CREB3L2: variants seen among roughly 807,000 people sequenced by gnomAD.
CREB3L2 encodes the protein cyclic AMP-responsive element-binding protein 3-like protein 2.
Under a neutral mutation model 57.2 loss-of-function variants are expected in CREB3L2, and 23 were observed. The ratio of observed to expected loss-of-function variants is 0.40; its 90% confidence interval spans 0.29 to 0.57. The LOEUF (loss-of-function observed/expected upper bound fraction) is 0.57. Ranked by LOEUF, CREB3L2 falls within the 20% of genes least tolerant of loss-of-function variation. The pLI, the probability that CREB3L2 is intolerant of heterozygous loss-of-function variation, is 0.42. For missense variants in CREB3L2, 628 were observed against 634.7 expected, an observed-to-expected ratio of 0.99 and a Z score of 0.11; for synonymous variants, 268 against 265.1, an observed-to-expected ratio of 1.01 and a Z score of -0.11.
At position 137,876,520 on chromosome 7, in the gene CREB3L2, T is replaced by G. The variant is rs1465356322; in HGVS notation, c.*3956A>C. ...GAAACTGAAAAGTCTTAGGAGTAAC[T>G]GAATGAGTGAGTGAATGAACGAAAC... On this transcript the variant is annotated 3_prime_UTR_variant, in exon 12 of 12. Transcript: ENST00000330387. 2 of 232,998 alleles carry G rather than the reference T, an allele frequency of 8.6e-6. No homozygotes were observed. The highest frequency in any genetic ancestry group is 1.2e-4 in the East Asian group (2 of 16,578). 14.4% of individuals were successfully genotyped at this position (232,998 alleles called of 1,614,324 possible).
At chr7:137,939,176 T>C (rs1800841347) in intron 1 of CREB3L2, among the ~76,000 whole-genome samples, 1 of 152,136 alleles carries the variant, frequency 6.6e-6, no homozygotes, top group African/African-American at 2.4e-5. Context: ...AATTTAATAA[T>C]AATAGCACCT....
intron 1 of CREB3L2, among the ~76,000 whole-genome samples, chr7:137,979,323 T>A (rs553051382): frequency 1.3e-5 from 2 of 152,334 alleles, no homozygotes; most frequent in Non-Finnish European, 2.9e-5. Context: ...AGGGTCAGGA[T>A]GGCAGGCTCT....
In CREB3L2 at chr7:137,949,344, AG is replaced by A. The variant is rs576545435; in HGVS notation, c.103-20979del. Among the ~76,000 whole-genome samples, 635 of 152,344 alleles carry A rather than the reference AG, an allele frequency of 4.2e-3. 8 individuals are homozygous for A. The highest frequency in any genetic ancestry group is 7.7e-3 in the Non-Finnish European group (523 of 68,034). The stretch of plus-strand genomic sequence containing the variant: ...ACATGTCAGAAACTGTGTCGTTGTA[AG>A]GTGTAAGCCAGATCTCAAAACACAC... On this transcript the variant is annotated intron_variant, in intron 1 of 11. Coordinates refer to ENST00000330387, the MANE Select transcript of CREB3L2 (RefSeq NM_194071.4).
At chr7:137,938,555 A>G (rs1242066193) in intron 1 of CREB3L2, among the ~76,000 whole-genome samples, 1 of 152,088 alleles carries the variant, frequency 6.6e-6, no homozygotes, top group Non-Finnish European at 1.5e-5. Context: ...CATGTTGGTC[A>G]GGCTGGTCTC....
At chr7:137,957,800 A>G (rs1197722203) in intron 1 of CREB3L2, 1 of 1,286,300 alleles carries the variant, frequency 7.8e-7, no homozygotes, top group Non-Finnish European at 1.0e-6. Context: ...AATGACATTT[A>G]TCTCTTTCCT....
At chr7:137,888,503 T>C (rs963234148) in intron 8 of CREB3L2, among the ~76,000 whole-genome samples, 2 of 152,106 alleles carry the variant, frequency 1.3e-5, no homozygotes, top group African/African-American at 4.8e-5. Flanking sequence ...TGTGCATTCA[T>C]TCTCACAGCG....
chr7:137,988,103 A>G (rs2117323805), intron 1 of CREB3L2, among the ~76,000 whole-genome samples: 1 of 151,966 alleles, frequency 6.6e-6, no homozygotes, highest in East Asian at 1.9e-4. Context: ...CTCTGCACCC[A>G]CCTCTGTCCT....
chr7:137,899,116 G>GA (rs1563244029), intron 8 of CREB3L2, among the ~76,000 whole-genome samples: 5,884 of 97,550 alleles, frequency 0.06, 172 homozygotes, highest in Non-Finnish European at 0.079. Context: ...AAGGAAGGAA[G>GA]GAAGGAAGGA....
At chr7:137,936,542 T>C (rs1281318710) in intron 1 of CREB3L2, among the ~76,000 whole-genome samples, 2 of 152,190 alleles carry the variant, frequency 1.3e-5, no homozygotes, top group Non-Finnish European at 1.5e-5. Context: ...TTTTTTCACC[T>C]TTTTTAAATT....
intron 1 of CREB3L2, among the ~76,000 whole-genome samples, chr7:137,976,855 G>A (rs540674996): frequency 2.0e-5 from 3 of 152,360 alleles, no homozygotes; most frequent in Admixed American, 6.5e-5. Flanking sequence ...CCCAGAGACA[G>A]TGGGAGAGGC....
intron 1 of CREB3L2, among the ~76,000 whole-genome samples, chr7:137,951,985 G>A (rs1285215462): frequency 6.6e-6 from 1 of 152,178 alleles, no homozygotes; most frequent in Non-Finnish European, 1.5e-5. Flanking sequence ...GTGAGACCTA[G>A]TCTTCAAGAA....
chr7:137,938,596 G>A (rs935729868), intron 1 of CREB3L2, among the ~76,000 whole-genome samples: 7 of 151,980 alleles, frequency 4.6e-5, no homozygotes, highest in South Asian at 2.1e-4. Flanking sequence ...CACCCGCCTC[G>A]GCTTCCCAAA....
chr7:137,922,380 A>ATG (rs1356750618), intron 2 of CREB3L2, among the ~76,000 whole-genome samples: 2 of 30,992 alleles, frequency 6.5e-5, no homozygotes, highest in African/African-American at 4.0e-4. Flanking sequence ...CTATATATAT[A>ATG]TATGTATATA....
chr7:137,949,937 C>T (rs1207473035), intron 1 of CREB3L2, among the ~76,000 whole-genome samples: 1 of 152,160 alleles, frequency 6.6e-6, no homozygotes, highest in Non-Finnish European at 1.5e-5. Flanking sequence ...AGCTCCTTGT[C>T]AACGGAGGTA....
chr7:137,957,906 A>G, intron 1 of CREB3L2: 1 of 552,052 alleles, frequency 1.8e-6, no homozygotes, highest in Non-Finnish European at 3.0e-6. Context: ...TTTGGTCCCA[A>G]GGGAATAATG....
At chr7:137,913,132 C>G (rs1228707755) in intron 3 of CREB3L2, 54 bp from the exon 4 acceptor site, 2 of 1,562,048 alleles carry the variant, frequency 1.3e-6, no homozygotes, top group African/African-American at 2.7e-5. Flanking sequence ...GCCTTGAAGA[C>G]ACATGCAGGA....
At chr7:137,960,108 A>G (rs1563266165) in intron 1 of CREB3L2, among the ~76,000 whole-genome samples, 1 of 152,182 alleles carries the variant, frequency 6.6e-6, no homozygotes, top group Non-Finnish European at 1.5e-5. Flanking sequence ...TTATATAGTG[A>G]ATTATCATAA....
chr7:137,987,399 C>A (rs1249866799), intron 1 of CREB3L2, among the ~76,000 whole-genome samples: 1 of 151,356 alleles, frequency 6.6e-6, no homozygotes. Flanking sequence ...CAAAAAAAAA[C>A]AAAAAACAAA....
At chr7:137,946,766 T>TATATA (rs200811747) in intron 1 of CREB3L2, among the ~76,000 whole-genome samples, 16,151 of 38,386 alleles carry the variant, frequency 0.42, 5,253 homozygotes, top group African/African-American at 0.67. Context: ...TCTATATAGT[T>TATATA]TAGTTATCTA....
Sources: allele counts gnomAD v4.1 joint callset (sites outside exome capture counted in the v4.1 genomes callset), GRCh38; gene constraint gnomAD v4.1.1; transcripts MANE v1.5; gene names NCBI Gene and HGNC (gene_info 2026-07-23, HGNC 2026-07-21).